Variants in DGKG observed in about 807,000 individuals in gnomAD.
The protein encoded by DGKG is diacylglycerol kinase gamma.
In DGKG, 78 loss-of-function variants were observed where a neutral mutation model predicts 105.3. The observed-to-expected ratio is 0.74, with a 90% CI of 0.62 to 0.89. The LOEUF (loss-of-function observed/expected upper bound fraction) is 0.89, where lower values mean the gene tolerates loss of function less well. DGKG is among the 40% of genes least tolerant of loss of function. The pLI, the probability that DGKG is intolerant of heterozygous loss-of-function variation, is 0.00. For missense variants in DGKG, 958 were observed against 1,020.1 expected, an observed-to-expected ratio of 0.94 and a Z score of 0.83; for synonymous variants, 346 against 367.1, an observed-to-expected ratio of 0.94 and a Z score of 0.66.
chr3:186,250,912 A>T (rs1721192385), intron 19 of DGKG, among the ~76,000 whole-genome samples: 2 of 150,974 alleles, frequency 1.3e-5, no homozygotes, highest in Non-Finnish European at 1.5e-5. Flanking sequence ...CCCCCTCCCA[A>T]CCCCCAGCTT....
In DGKG at chr3:186,280,738, C is replaced by T. The variant is rs141011129; in HGVS notation, c.601G>A (p.Asp201Asn). The T allele has an allele frequency of 3.7e-6, 6 of 1,613,584 alleles. No individual in the cohort carries two copies. The highest frequency in any genetic ancestry group is 5.1e-6 in the Non-Finnish European group (6 of 1,179,630). ...TGCAGCATTTGGTTGACAATGCAAT[C>T]CATCTCCTAGAAAATAGCAAAGGGA... ...ENGLLDQAEM[D>N]CIVNQMLHIA... is the part of the protein sequence containing the mutation. Residue 201 changes from aspartate (D) to asparagine (N), a missense_variant, in exon 8 of 25, where the codon GAT becomes AAT. By Grantham distance (23) the Asp-to-Asn change is conservative. Around this residue, in one of 2 missense-constraint regions of DGKG, gnomAD observed 643 missense variants for 619.5 expected, o/e 1.04. Transcript: ENST00000265022.
intron 1 of DGKG, among the ~76,000 whole-genome samples, chr3:186,344,844 C>T (rs1480118938): frequency 6.6e-6 from 1 of 152,044 alleles, no homozygotes; most frequent in East Asian, 1.9e-4. Flanking sequence ...TTATGTATAA[C>T]CTGATGCAAA....
intron 4 of DGKG, 61 bp downstream of exon 4, chr3:186,298,003 G>T: frequency 6.5e-7 from 1 of 1,539,652 alleles, no homozygotes; most frequent in South Asian, 1.3e-5. Flanking sequence ...TGCAGTCTGT[G>T]GCTGTGGCAG....
chr3:186,315,091 T>G (rs1449710116), intron 2 of DGKG, among the ~76,000 whole-genome samples: 1 of 152,144 alleles, frequency 6.6e-6, no homozygotes, highest in Non-Finnish European at 1.5e-5. Context: ...GAGGAGCTAA[T>G]GAAGGTCATT....
chr3:186,242,624 C>T (rs376608659), intron 19 of DGKG, 56 bp from the exon 20 acceptor site: 268 of 1,497,780 alleles, frequency 1.8e-4, no homozygotes, highest in Admixed American at 1.3e-3. Context: ...CAGTGCAGTG[C>T]GGAGGGAAGG....
At chr3:186,268,603 G>C (rs558603975) in intron 12 of DGKG, among the ~76,000 whole-genome samples, 198 bp downstream of exon 12, 2 of 152,238 alleles carry the variant, frequency 1.3e-5, no homozygotes, top group Admixed American at 6.5e-5. Context: ...TGGTTCGGGG[G>C]TGCCCTCTCT....
intron 6 of DGKG, among the ~76,000 whole-genome samples, chr3:186,288,209 G>C (rs558356985): frequency 3.4e-5 from 5 of 146,978 alleles, no homozygotes; most frequent in South Asian, 2.1e-4. Context: ...TTGGGGTGGC[G>C]GGGGGGCATA....
chr3:186,187,159 C>A (rs969785846), intron 22 of DGKG, among the ~76,000 whole-genome samples: 5 of 152,172 alleles, frequency 3.3e-5, no homozygotes, highest in African/African-American at 1.2e-4. Context: ...AGAGGAGTGT[C>A]ATAACCTGAC....
chr3:186,234,652 C>T lies in DGKG; in HGVS notation c.1826+7852G>A, dbSNP rs142286822. Among the ~76,000 whole-genome samples the T allele has an allele frequency of 2.6e-4, 40 of 152,294 alleles. No individual in the cohort carries two copies. In the East Asian group the frequency reaches 7.7e-3, roughly 29 times the overall value. ...GCCTAGCAGGGGCTACAAGAAAAAG[C>T]CCATTAAGCTACAGAAAGAAACGGT... On this transcript the variant is annotated intron_variant, in intron 20 of 24. Coordinates refer to ENST00000265022, the MANE Select transcript of DGKG (RefSeq NM_001346.3).
chr3:186,351,998 C>A (rs1726654668), intron 1 of DGKG, among the ~76,000 whole-genome samples: 1 of 152,172 alleles, frequency 6.6e-6, no homozygotes, highest in Non-Finnish European at 1.5e-5. Flanking sequence ...TAAAAAAGTA[C>A]TGAGGCCCAA....
chr3:186,273,194 A>G (rs1357932230), intron 10 of DGKG, among the ~76,000 whole-genome samples: 1 of 152,046 alleles, frequency 6.6e-6, no homozygotes, highest in Non-Finnish European at 1.5e-5. Flanking sequence ...GTTTGTGTAA[A>G]GCATCACGTG....
intron 17 of DGKG, among the ~76,000 whole-genome samples, chr3:186,254,039 C>G (rs1387565090): frequency 2.0e-5 from 3 of 152,190 alleles, no homozygotes; most frequent in Admixed American, 2.0e-4. Flanking sequence ...GGACATCAGA[C>G]AGAACCATCA....
intron 24 of DGKG, chr3:186,160,521 G>T: frequency 3.0e-6 from 3 of 985,220 alleles, no homozygotes; most frequent in Non-Finnish European, 2.4e-6. Context: ...TAAGATTTTT[G>T]CAGAGAAATT....
At chr3:186,299,827 T>TTCTTTCTTTCTTTC (rs1553815844) in intron 3 of DGKG, among the ~76,000 whole-genome samples, 2 of 107,346 alleles carry the variant, frequency 1.9e-5, no homozygotes, top group South Asian at 3.1e-4. Flanking sequence ...CTTTCTTTCT[T>TTCTTTCTTTCTTTC]TCTTTCTTTC....
intron 1 of DGKG, among the ~76,000 whole-genome samples, chr3:186,344,800 T>G (rs1383375229): frequency 1.3e-5 from 2 of 152,222 alleles, no homozygotes; most frequent in Non-Finnish European, 2.9e-5. Context: ...ACTATGACTT[T>G]TACTATTTTT....
At chr3:186,286,230 T>C (rs1474117858) in intron 6 of DGKG, among the ~76,000 whole-genome samples, 2 of 152,210 alleles carry the variant, frequency 1.3e-5, no homozygotes, top group East Asian at 3.8e-4. Context: ...TTCTTTGTGA[T>C]TCCTCAGAAG....
chr3:186,225,144 G>C (rs766045101), intron 20 of DGKG, among the ~76,000 whole-genome samples: 2 of 151,300 alleles, frequency 1.3e-5, no homozygotes, highest in Non-Finnish European at 2.9e-5. Context: ...GCCCAGGCTG[G>C]AGTGCAAGTG....
intron 1 of DGKG, among the ~76,000 whole-genome samples, chr3:186,360,249 T>C (rs888607808): frequency 6.6e-6 from 1 of 152,026 alleles, no homozygotes; most frequent in African/African-American, 2.4e-5. Flanking sequence ...ATGTTTGTCG[T>C]TTTCTCCCCA....
intron 2 of DGKG, 65 bp downstream of exon 2, chr3:186,320,328 T>G: frequency 6.2e-7 from 1 of 1,603,724 alleles, no homozygotes; most frequent in Admixed American, 1.7e-5. Flanking sequence ...CTGCTATGCT[T>G]TCCAGAAATG....
Sources: gnomAD v4.1 joint callset for allele counts (sites outside exome capture counted in the v4.1 genomes callset) on GRCh38, gnomAD v4.1.1 for gene constraint, gnomAD v4.1.1 regional missense constraint, MANE v1.5 for transcripts, NCBI Gene and HGNC (gene_info 2026-07-23, HGNC 2026-07-21) for gene names.